TM9SF2: variants seen among roughly 807,000 people sequenced by gnomAD.
TM9SF2 encodes the protein transmembrane 9 superfamily member 2.
A neutral mutation model predicts 84.9 loss-of-function variants in TM9SF2; 13 were observed. The ratio of observed to expected loss-of-function variants is 0.15; its 90% CI spans 0.10 to 0.24. The LOEUF is 0.24. Among genes scored for constraint, TM9SF2 ranks in the 10% least tolerant of loss-of-function variants. TM9SF2 has a pLI of 1.00. For synonymous variants in TM9SF2, 273 were observed against 285.8 expected (o/e 0.96, Z 0.45); for missense variants, 562 against 818.5 (o/e 0.69, Z 3.82).
intron 3 of TM9SF2, among the ~76,000 whole-genome samples, chr13:99,528,523 T>C (rs2046194101): frequency 6.6e-6 from 1 of 152,212 alleles, no homozygotes; most frequent in South Asian, 2.1e-4. Context: ...TGGATTGAGG[T>C]GTCAGATTTG....
chr13:99,508,926 C>T lies in TM9SF2; in HGVS notation c.171+7149C>T, dbSNP rs184758420. 2.4e-3 allele frequency among the ~76,000 whole-genome samples: 372 copies of T among 152,222 alleles called. 3 individuals are homozygous for T. The highest frequency in any genetic ancestry group is 8.6e-3 in the African/African-American group (356 of 41,522). On this transcript the variant is annotated intron_variant, in intron 1 of 16. Transcript: ENST00000376387. ...TAAGATTTGAGTGGGGAAAAATACT[C>T]AAATCTCATGTCCTTCTTATATTGC... is the stretch of plus-strand genomic sequence containing the variant.
At chr13:99,536,521 T>A in intron 4 of TM9SF2, 87 bp from the exon 5 acceptor site, 2 of 1,488,452 alleles carry the variant, frequency 1.3e-6, no homozygotes, top group Non-Finnish European at 1.8e-6. Context: ...ATTTAAATTT[T>A]ACAAAGTGAT....
intron 4 of TM9SF2, among the ~76,000 whole-genome samples, chr13:99,531,320 G>A (rs545309059): frequency 4.9e-4 from 75 of 152,248 alleles, no homozygotes; most frequent in African/African-American, 1.8e-3. Flanking sequence ...TTTCAGTGGC[G>A]AACAGGAGGA....
chr13:99,536,537 T>G, intron 4 of TM9SF2, 71 bp from the exon 5 acceptor site: 5 of 1,540,572 alleles, frequency 3.2e-6, no homozygotes, highest in Non-Finnish European at 4.4e-6. Context: ...GTGATGACAC[T>G]GATTTGGGCA....
In TM9SF2 at chr13:99,507,108, T is replaced by C. The variant is rs7323661; in HGVS notation, c.171+5331T>C. On this transcript the variant is annotated intron_variant, in intron 1 of 16. Transcript: ENST00000376387. ...TATGCCTTAGCTAAATTTCATAACA[T>C]CTCTGTGATATTTAGATGAGGAAAC... Among the ~76,000 whole-genome samples, 903 of 152,326 alleles carry C rather than the reference T, an allele frequency of 5.9e-3. 6 individuals carry two copies. The highest frequency in any genetic ancestry group is 0.021 in the African/African-American group (872 of 41,580).
At position 99,562,764 on chromosome 13, in the gene TM9SF2, T is replaced by G. The variant is rs1198911909; in HGVS notation, c.*6T>G. 3.7e-6 allele frequency: 6 copies of G among 1,611,402 alleles called. No homozygotes were observed. The highest frequency in any genetic ancestry group is 3.4e-6 in the Non-Finnish European group (4 of 1,178,970). On this transcript the variant is annotated 3_prime_UTR_variant, in exon 17 of 17. Coordinates refer to ENST00000376387, the MANE Select transcript of TM9SF2 (RefSeq NM_004800.3). ...GTGTGGTGAAGGTTGACTGAAGAAG[T>G]CCAGTGTGTCCAGTTAAAACAGAAA... is the stretch of plus-strand genomic sequence containing the variant.
chr13:99,540,159 C>T (rs2046251928), intron 7 of TM9SF2, among the ~76,000 whole-genome samples: 1 of 152,062 alleles, frequency 6.6e-6, no homozygotes, highest in Non-Finnish European at 1.5e-5. Context: ...GCAAGTTTAT[C>T]ATTAAAATGC....
chr13:99,520,219 C>T, intron 3 of TM9SF2, 90 bp downstream of exon 3: 1 of 1,086,390 alleles, frequency 9.2e-7, no homozygotes, highest in African/African-American at 1.6e-5. Flanking sequence ...GCTATCATTG[C>T]TAAGGAGGAG....
intron 12 of TM9SF2, among the ~76,000 whole-genome samples, chr13:99,550,127 T>A (rs1416531378): frequency 6.6e-6 from 1 of 152,234 alleles, no homozygotes; most frequent in African/African-American, 2.4e-5. Flanking sequence ...CCCTCTAGTC[T>A]CACACATCTT....
intron 3 of TM9SF2, among the ~76,000 whole-genome samples, chr13:99,525,235 CTGTTTGTT>C (rs35767318): frequency 1.1e-4 from 16 of 151,580 alleles, no homozygotes; most frequent in Non-Finnish European, 1.3e-4. Flanking sequence ...TCAAAGAGGA[CTGTTTGTT>C]TGTTTGTTTG....
At chr13:99,543,756 TAA>T in intron 9 of TM9SF2, 105 bp from the exon 10 acceptor site, 1 of 1,441,598 alleles carries the variant, frequency 6.9e-7, no homozygotes, top group Non-Finnish European at 9.3e-7. Context: ...TTTTTAAGTT[TAA>T]AAAAAACCTG....
rs2046294916 is a variant in TM9SF2, at chr13:99,548,970, A to C, written c.1271-195A>C. ...TGATTCTCTAGAGCAGGACTTACCTAGGGAATCCCATCCTGTATGTCTCAG... is the reference window on the plus strand; with the variant it reads ...TGATTCTCTAGAGCAGGACTTACCTCGGGAATCCCATCCTGTATGTCTCAG... On this transcript the variant is annotated intron_variant, in intron 11 of 16. Transcript: ENST00000376387. Among the ~76,000 whole-genome samples the C allele has an allele frequency of 2.6e-5, 4 of 152,336 alleles. No homozygotes were observed. In the South Asian group the frequency reaches 8.3e-4, roughly 32 times the overall value.
At chr13:99,562,574 G>C (rs1167388323) in intron 16 of TM9SF2, 117 bp from the exon 17 acceptor site, 2 of 841,526 alleles carry the variant, frequency 2.4e-6, no homozygotes, top group African/African-American at 1.7e-5. Context: ...TTCCCGGTGG[G>C]TAATAGTTTA....
intron 4 of TM9SF2, 92 bp from the exon 5 acceptor site, chr13:99,536,516 A>C: frequency 1.4e-6 from 2 of 1,472,674 alleles, no homozygotes; most frequent in Non-Finnish European, 1.8e-6. Flanking sequence ...TACACATTTA[A>C]ATTTTACAAA....
At chr13:99,517,020 A>G (rs943056504) in intron 1 of TM9SF2, among the ~76,000 whole-genome samples, 5 of 152,228 alleles carry the variant, frequency 3.3e-5, no homozygotes, top group African/African-American at 1.2e-4. Context: ...TTTAGTTAAA[A>G]TATCTTATTA....
In TM9SF2 at chr13:99,546,851, A is replaced by G. The variant is rs369677949; in HGVS notation, c.1151-134A>G. On this transcript the variant is annotated intron_variant, in intron 10 of 16. Coordinates refer to ENST00000376387, the MANE Select transcript of TM9SF2 (RefSeq NM_004800.3). ...TATTACTAAGATTGTGTAGAGCTGC[A>G]TGGTAGGAGAGCACATGGTTTTGCG... 41 of 1,195,302 alleles carry G rather than the reference A, an allele frequency of 3.4e-5. No homozygotes were observed. In the East Asian group the frequency reaches 3.5e-4, roughly 10 times the overall value. The allele number at this position is 1,195,302 out of a possible 1,614,324, so 74.0% of individuals were successfully genotyped here.
chr13:99,534,709 A>G (rs973013198), intron 4 of TM9SF2, among the ~76,000 whole-genome samples: 5 of 152,266 alleles, frequency 3.3e-5, no homozygotes, highest in South Asian at 4.1e-4. Context: ...TCTTCGTGAT[A>G]AAAAGTTGGG....
At chr13:99,531,626 G>A (rs1405150857) in intron 4 of TM9SF2, among the ~76,000 whole-genome samples, 6 of 152,176 alleles carry the variant, frequency 3.9e-5, no homozygotes, top group Non-Finnish European at 5.9e-5. Context: ...CATAAGAATG[G>A]GTTCTGTGTA....
chr13:99,518,522 A>G (rs2046144579), intron 2 of TM9SF2, among the ~76,000 whole-genome samples: 1 of 152,132 alleles, frequency 6.6e-6, no homozygotes, highest in Non-Finnish European at 1.5e-5. Context: ...TATTATTTCC[A>G]TTTTAGAAAT....
Sources: gnomAD v4.1 joint callset for allele counts (sites outside exome capture counted in the v4.1 genomes callset) on GRCh38, gnomAD v4.1.1 for gene constraint, MANE v1.5 for transcripts, NCBI Gene and HGNC (gene_info 2026-07-23, HGNC 2026-07-21) for gene names.